REEP3: variants seen among roughly 807,000 people sequenced by gnomAD.
REEP3 encodes the protein receptor expression-enhancing protein 3.
A neutral mutation model predicts 41.3 loss-of-function variants in REEP3; 20 were observed. That is an observed-to-expected ratio of 0.48 (90% confidence interval 0.34 to 0.70). The LOEUF (loss-of-function observed/expected upper bound fraction) is 0.70. Among genes scored for constraint, REEP3 ranks in the 30% least tolerant of loss-of-function variants. The pLI is 0.01. For missense variants in REEP3, 271 were observed against 308.8 expected, an observed-to-expected ratio of 0.88 and a Z score of 0.92; for synonymous variants, 104 against 101.8, an observed-to-expected ratio of 1.02 and a Z score of -0.13.
intron 1 of REEP3, among the ~76,000 whole-genome samples, chr10:63,536,674 TTAACC>T (rs1955477230): frequency 6.6e-6 from 1 of 151,670 alleles, no homozygotes; most frequent in Admixed American, 6.6e-5. Flanking sequence ...AGAAAAAAAA[TTAACC>T]TAAAAAGAAA....
intron 6 of REEP3, among the ~76,000 whole-genome samples, chr10:63,617,306 C>T (rs1049962536): frequency 1.3e-5 from 2 of 152,162 alleles, no homozygotes; most frequent in Non-Finnish European, 2.9e-5. Flanking sequence ...ATGCAAGTTG[C>T]TTATGTTATT....
Position 63,587,724 on chromosome 10 carries a change from G to A in REEP3, c.106-7054G>A, listed in dbSNP as rs1167489845. Among the ~76,000 whole-genome samples the A allele has an allele frequency of 2.0e-5, 3 of 152,164 alleles. No individual in the cohort carries two copies. The East Asian group carries it at 5.8e-4, about 29-fold the overall frequency. On this transcript the variant is annotated intron_variant, in intron 2 of 7. Transcript: ENST00000373758. ...CCCAGCCAGTAGGAAGGAAGAGCAA[G>A]TGGAAGAGACACCCCCACTTCTCAA... is the stretch of plus-strand genomic sequence containing the variant.
At chr10:63,569,255 T>G (rs1179479621) in intron 2 of REEP3, among the ~76,000 whole-genome samples, 3 of 152,206 alleles carry the variant, frequency 2.0e-5, no homozygotes, top group African/African-American at 7.2e-5. Flanking sequence ...TTTCCCTATT[T>G]GGAATGTTTT....
chr10:63,559,039 G>A (rs1955716917), intron 1 of REEP3, among the ~76,000 whole-genome samples: 1 of 152,100 alleles, frequency 6.6e-6, no homozygotes, highest in Non-Finnish European at 1.5e-5. Flanking sequence ...TGAAAGCCAT[G>A]AAATAAGGGG....
intron 5 of REEP3, among the ~76,000 whole-genome samples, chr10:63,604,010 T>G (rs1313841736): frequency 6.6e-6 from 1 of 152,200 alleles, no homozygotes; most frequent in East Asian, 1.9e-4. Flanking sequence ...CTGAAAATTA[T>G]TTAACATTTT....
chr10:63,522,144 A>G (rs1049723589), intron 1 of REEP3, among the ~76,000 whole-genome samples: 4 of 151,978 alleles, frequency 2.6e-5, no homozygotes, highest in African/African-American at 4.8e-5. Flanking sequence ...GATTTGTCTA[A>G]AAACCGGAGA....
At chr10:63,615,057 A>G (rs148215553) in intron 6 of REEP3, among the ~76,000 whole-genome samples, 1 of 152,332 alleles carries the variant, frequency 6.6e-6, no homozygotes, top group Non-Finnish European at 1.5e-5. Flanking sequence ...ACTTAATGAT[A>G]TGAAAACATA....
chr10:63,604,298 AC>A (rs1370028457), intron 5 of REEP3, among the ~76,000 whole-genome samples: 1 of 152,194 alleles, frequency 6.6e-6, no homozygotes, highest in Admixed American at 6.5e-5. Context: ...CATTTGAAGG[AC>A]CTTCAAGGAT....
At chr10:63,589,159 T>C (rs1286695184) in intron 2 of REEP3, among the ~76,000 whole-genome samples, 1 of 152,142 alleles carries the variant, frequency 6.6e-6, no homozygotes, top group African/African-American at 2.4e-5. Flanking sequence ...CTGACTGTTG[T>C]ATGCAGAATA....
chr10:63,533,710 C>CTTTT lies in REEP3; in HGVS notation c.32+12145_32+12148dup, dbSNP rs71025187. On this transcript the variant is annotated intron_variant, in intron 1 of 7. Transcript: ENST00000373758. ...GAAAGAGCCTTGGAAGTATGTAAAT[C>CTTTT]TTTTTTTTTTTTTTTGAGACGGAGT... 6.1e-4 allele frequency among the ~76,000 whole-genome samples: 62 copies of CTTTT among 101,138 alleles called. 10 individuals carry two copies. The highest frequency in any genetic ancestry group is 1.2e-3 in the Non-Finnish European group (55 of 46,362). The allele number at this position is 101,138 out of a possible 152,430, so 66.4% of individuals were successfully genotyped here. A position where few individuals can be genotyped will look rare whatever the true frequency, so the allele number is the denominator to read the frequency against.
intron 1 of REEP3, among the ~76,000 whole-genome samples, chr10:63,556,614 GTTTTTTT>G: frequency 1.6e-4 from 2 of 12,850 alleles, no homozygotes; most frequent in South Asian, 8.5e-3. Context: ...CTGTTTGCTT[GTTTTTTT>G]TTTTGTTGTT....
rs562177017 is a variant in REEP3, at chr10:63,528,649, AGGACATGATCT to A, written c.32+7077_32+7087del. On this transcript the variant is annotated intron_variant, in intron 1 of 7. Transcript: ENST00000373758. ...CAGGTCCTTATGATGGTCTACAAACAGGACATGATCTGGACTTTTTTCCATCTCAAACCTTT... is the reference window on the plus strand; with the variant it reads ...CAGGTCCTTATGATGGTCTACAAACAGGACTTTTTTCCATCTCAAACCTTT... Among the ~76,000 whole-genome samples the A allele has an allele frequency of 1.6e-3, 237 of 152,306 alleles. 1 individual carries two copies. The highest frequency in any genetic ancestry group is 1.1e-3 in the Admixed American group (17 of 15,302).
At chr10:63,554,411 C>A (rs912678358) in intron 1 of REEP3, among the ~76,000 whole-genome samples, 4 of 152,086 alleles carry the variant, frequency 2.6e-5, no homozygotes, top group African/African-American at 9.7e-5. Context: ...TGTGGAATTA[C>A]AATTGTTTAG....
At chr10:63,592,587 G>T (rs1956074444) in intron 2 of REEP3, among the ~76,000 whole-genome samples, 1 of 152,064 alleles carries the variant, frequency 6.6e-6, no homozygotes, top group Non-Finnish European at 1.5e-5. Flanking sequence ...AGTCAGGATT[G>T]ACTCTAAAAG....
chr10:63,521,646 C>G, intron 1 of REEP3, 69 bp downstream of exon 1: 1 of 1,216,736 alleles, frequency 8.2e-7, no homozygotes, highest in Non-Finnish European at 1.1e-6. Flanking sequence ...GGGAAGGAGC[C>G]GAGAGGAAAG....
chr10:63,562,689 C>G (rs1187273245), intron 1 of REEP3: 9 of 441,722 alleles, frequency 2.0e-5, no homozygotes, highest in African/African-American at 4.4e-5. Flanking sequence ...CAGGCATGTA[C>G]TGCCCTCTGC....
At chr10:63,594,931 A>C (rs1956099916) in intron 3 of REEP3, 77 bp downstream of exon 3, 2 of 898,462 alleles carry the variant, frequency 2.2e-6, no homozygotes, top group Admixed American at 3.7e-5. Flanking sequence ...TGCTCTTGCT[A>C]TTAACTGAGT....
intron 2 of REEP3, 139 bp from the exon 3 acceptor site, chr10:63,594,639 C>G: frequency 1.6e-6 from 1 of 623,234 alleles, no homozygotes; most frequent in Non-Finnish European, 2.8e-6. Context: ...CTGCGTTTGA[C>G]CCAACATACT....
At chr10:63,534,283 C>T (rs1486035386) in intron 1 of REEP3, among the ~76,000 whole-genome samples, 1 of 151,828 alleles carries the variant, frequency 6.6e-6, no homozygotes. Flanking sequence ...CAGGGTCTCC[C>T]TCTGTTGCTC....
Sources: gnomAD v4.1 joint callset for allele counts (sites outside exome capture counted in the v4.1 genomes callset) on GRCh38, gnomAD v4.1.1 for gene constraint, MANE v1.5 for transcripts, NCBI Gene and HGNC (gene_info 2026-07-23, HGNC 2026-07-21) for gene names.